The following DNAH17 variants were observed in gnomAD, a reference collection of about 807,000 sequenced individuals.
DNAH17 encodes axonemal beta dynein heavy chain 17.
In DNAH17, 376 loss-of-function variants were observed where a neutral mutation model predicts 485.6. The observed-to-expected ratio is 0.77, with a 90% CI of 0.71 to 0.84. DNAH17 has a LOEUF of 0.84. Ranked by LOEUF, DNAH17 falls within the 40% of genes least tolerant of loss-of-function variation. DNAH17 has a pLI of 0.00. For missense variants in DNAH17, 6,370 were observed against 5,839.3 expected (o/e 1.09, Z -2.96); for synonymous variants, 3,031 against 2,405.9 (o/e 1.26, Z -7.60).
At chr17:78,535,666 G>A (rs1000541170) in intron 19 of DNAH17, among the ~76,000 whole-genome samples, 10 of 152,156 alleles carry the variant, frequency 6.6e-5, no homozygotes, top group African/African-American at 1.9e-4. Context: ...GAGAGGAAAC[G>A]CCTGCAGCCA....
At chr17:78,533,584 CAAAG>C (rs2091296970) in intron 19 of DNAH17, among the ~76,000 whole-genome samples, 1 of 152,166 alleles carries the variant, frequency 6.6e-6, no homozygotes, top group South Asian at 2.1e-4. Flanking sequence ...ACTGGTTAAG[CAAAG>C]AGAGAACTCG....
At chr17:78,503,968 AAAAC>A (rs200201713) in intron 31 of DNAH17, among the ~76,000 whole-genome samples, 24 of 145,190 alleles carry the variant, frequency 1.7e-4, no homozygotes, top group African/African-American at 2.9e-4. Flanking sequence ...CTCCATCTCA[AAAAC>A]AAACAAACAA....
Position 78,507,880 on chromosome 17 carries a change from G to A in DNAH17, c.4237-75C>T, listed in dbSNP as rs1025568810. 2.2e-6 allele frequency: 3 copies of A among 1,337,960 alleles called. No individual in the cohort carries two copies. In the African/African-American group the frequency reaches 4.4e-5, roughly 20 times the overall value. 82.9% of individuals were successfully genotyped at this position (1,337,960 alleles called of 1,614,324 possible). A position where few individuals can be genotyped will look rare whatever the true frequency, so the allele number is the denominator to read the frequency against. ...CTCAGGCAGGACCCAGAGTTTCCAGGACATAGACTGAAGCTCCATGATCAG... is the reference window on the plus strand; with the variant it reads ...CTCAGGCAGGACCCAGAGTTTCCAGAACATAGACTGAAGCTCCATGATCAG... On this transcript the variant is annotated intron_variant, in intron 27 of 80. Coordinates refer to ENST00000389840, the MANE Select transcript of DNAH17 (RefSeq NM_173628.4).
chr17:78,472,801 G>A (rs996983946), intron 54 of DNAH17: 5 of 450,930 alleles, frequency 1.1e-5, no homozygotes, highest in Non-Finnish European at 1.8e-5. Flanking sequence ...TTCAGCCTTT[G>A]TGGGGTCACA....
chr17:78,503,294 C>T (rs1391641851), intron 31 of DNAH17, among the ~76,000 whole-genome samples: 1 of 150,102 alleles, frequency 6.7e-6, no homozygotes, highest in African/African-American at 2.5e-5. Context: ...ATTCTCCTGC[C>T]TCAGCCTCCC....
chr17:78,466,578 T>G (rs914034818), intron 56 of DNAH17, 77 bp downstream of exon 56: 1 of 1,414,374 alleles, frequency 7.1e-7, no homozygotes, highest in East Asian at 2.6e-5. Context: ...CGCCCTTTTC[T>G]CCCAGGGAGC....
At chr17:78,566,798 C>T in intron 10 of DNAH17, 68 bp from the exon 11 acceptor site, 1 of 1,372,770 alleles carries the variant, frequency 7.3e-7, no homozygotes, top group South Asian at 1.3e-5. Flanking sequence ...CCCTCTCCAG[C>T]CCCTGCCCTG....
At chr17:78,433,232 G>A (rs691328) in intron 75 of DNAH17, among the ~76,000 whole-genome samples, 21,220 of 152,288 alleles carry the variant, frequency 0.14, 1,653 homozygotes, top group Middle Eastern at 0.2. Flanking sequence ...AGAACCGTGC[G>A]TGGTGAGCAC....
chr17:78,434,755 C>G (rs917122829), intron 74 of DNAH17, among the ~76,000 whole-genome samples: 2 of 152,108 alleles, frequency 1.3e-5, no homozygotes, highest in Non-Finnish European at 2.9e-5. Context: ...GTGACTCCTA[C>G]GTCTCTGGAT....
chr17:78,508,462 GA>G (rs2090547915), intron 27 of DNAH17, among the ~76,000 whole-genome samples: 1 of 152,198 alleles, frequency 6.6e-6, no homozygotes, highest in Non-Finnish European at 1.5e-5. Flanking sequence ...CTGTGTTTTG[GA>G]GTCTTCCTTT....
intron 69 of DNAH17, among the ~76,000 whole-genome samples, chr17:78,447,803 A>ATGCCCAACCTGTTTATACAATTAGTGT (rs146090977): frequency 0.18 from 26,722 of 151,354 alleles, 3,866 homozygotes; most frequent in African/African-American, 0.4. Flanking sequence ...GCTTACACTG[A>ATGCCCAACCTGTTTATACAATTAGTGT]TGCCCAACCT....
At chr17:78,472,559 T>C in intron 54 of DNAH17, 1 of 313,814 alleles carries the variant, frequency 3.2e-6, no homozygotes, top group South Asian at 2.2e-5. Flanking sequence ...CAGCTCTGGC[T>C]GCTGACTCAG....
intron 30 of DNAH17, 149 bp downstream of exon 30, chr17:78,506,571 G>C (rs2090490660): frequency 8.5e-7 from 1 of 1,177,008 alleles, no homozygotes; most frequent in Admixed American, 2.6e-5. Flanking sequence ...GGGGACCCCA[G>C]GGCAGCTTCT....
chr17:78,428,150 G>C (rs1051805219), intron 77 of DNAH17, among the ~76,000 whole-genome samples: 1 of 152,140 alleles, frequency 6.6e-6, no homozygotes, highest in African/African-American at 2.4e-5. Context: ...CCGGCTGCCC[G>C]GTGCGAGCTG....
intron 18 of DNAH17, among the ~76,000 whole-genome samples, chr17:78,539,313 C>T (rs1209781371): frequency 6.6e-6 from 1 of 152,134 alleles, no homozygotes; most frequent in East Asian, 1.9e-4. Context: ...ATGGGATTAA[C>T]CAGCACAACC....
intron 18 of DNAH17, among the ~76,000 whole-genome samples, chr17:78,539,356 G>A (rs542286864): frequency 7.9e-5 from 12 of 152,286 alleles, no homozygotes; most frequent in Admixed American, 3.9e-4. Context: ...CTACTCAGCC[G>A]TATATAATCA....
chr17:78,512,185 T>C (rs951669550), intron 26 of DNAH17, among the ~76,000 whole-genome samples: 6 of 152,244 alleles, frequency 3.9e-5, no homozygotes, highest in African/African-American at 1.4e-4. Context: ...GGTACGGATC[T>C]CTTGGGAAGC....
intron 2 of DNAH17, 95 bp downstream of exon 2, chr17:78,574,617 TG>T: frequency 9.1e-7 from 1 of 1,102,426 alleles, no homozygotes; most frequent in Non-Finnish European, 1.3e-6. Flanking sequence ...CAGCTGCTGC[TG>T]GCCCAGGGAC....
chr17:78,474,306 G>C (rs754451146), intron 54 of DNAH17, among the ~76,000 whole-genome samples: 15 of 152,242 alleles, frequency 9.9e-5, no homozygotes, highest in Admixed American at 2.6e-4. Context: ...GGCCGTGTAG[G>C]ACGGCCCAAT....
Sources: allele counts gnomAD v4.1 joint callset (sites outside exome capture counted in the v4.1 genomes callset), GRCh38; gene constraint gnomAD v4.1.1; transcripts MANE v1.5; gene names NCBI Gene and HGNC (gene_info 2026-07-23, HGNC 2026-07-21).